NACAD: variants seen among roughly 807,000 people sequenced by gnomAD.
NACAD encodes the protein NAC alpha domain containing, also known as NAC-alpha domain-containing protein 1.
A neutral mutation model predicts 98.9 loss-of-function variants in NACAD; 47 were observed. The observed-to-expected ratio is 0.48, with a 90% confidence interval of 0.38 to 0.61. The LOEUF is 0.61. Among genes scored for constraint, NACAD ranks in the 20% least tolerant of loss-of-function variants. NACAD has a pLI of 0.00. For synonymous variants in NACAD, 696 were observed against 767.2 expected (o/e 0.91, Z 1.53); for missense variants, 1,412 against 1,748.2 (o/e 0.81, Z 3.43).
chr7:45,085,641 G>C lies in NACAD; in HGVS notation c.539C>G (p.Pro180Arg). The change falls in exon 2 of 8, where the codon CCC (proline) becomes CGC (arginine). Residue 180 changes from proline to arginine, a missense_variant. Physicochemically the swap from Pro to Arg is moderately radical, Grantham distance 103 (BLOSUM62 -2). Around this residue, in one of 5 missense-constraint regions of NACAD, gnomAD observed 638 missense variants for 722.7 expected, o/e 0.88. Coordinates refer to ENST00000490531, the MANE Select transcript of NACAD (RefSeq NM_001146334.2). This position sits in a 1 kb window ranked among gnomAD's most constrained non-coding sequence, Gnocchi z 6.1. ...AAGCAGGGCATAGGTGGTCTTGGTG[G>C]GGGTGGAGGGAGGCGTGAAGAAGGA... Reference protein sequence around the residue: ...PDSFFTPPSTPTKTTYALLPA... With the variant: ...PDSFFTPPSTRTKTTYALLPA... 1.3e-6 allele frequency: 2 copies of C among 1,548,494 alleles called. No individual in the cohort carries two copies. Among genetic ancestry groups the C allele is most frequent in the African/African-American group, 1.4e-5 (1 of 73,152 alleles).
rs1161207539 is a variant in NACAD at position 45,084,598 on chromosome 7, A to G, written c.1582T>C (p.Ser528Pro). 1.3e-6 allele frequency: 2 copies of G among 1,551,440 alleles called. No homozygotes were observed. Among genetic ancestry groups the G allele is most frequent in the Non-Finnish European group, 1.7e-6 (2 of 1,146,972 alleles). Residue 528 changes from serine (S) to proline (P), a missense_variant, in exon 2 of 8, where the codon TCC (serine) becomes CCC (proline). Physicochemically the swap from Ser to Pro is moderately conservative, Grantham distance 74 (BLOSUM62 -1). Coordinates refer to ENST00000490531, the MANE Select transcript of NACAD (RefSeq NM_001146334.2). ...ESAAMAMPQP[S>P]QEGISEILGQ... ...AAGATCTCGCTGATGCCCTCCTGGG[A>G]GGGCTGAGGCATTGCCATGGCAGCA...
chr7:45,085,863 G>A lies in NACAD; in HGVS notation c.317C>T (p.Ser106Phe), dbSNP rs568615018. The A allele has an allele frequency of 2.4e-4, 375 of 1,546,848 alleles. 1 individual carries two copies. In the African/African-American group the frequency reaches 4.4e-3, roughly 18 times the overall value. Residue 106 changes from serine to phenylalanine, a missense_variant, in exon 2 of 8, where the codon TCC (serine) becomes TTC (phenylalanine). Coordinates refer to ENST00000490531, the MANE Select transcript of NACAD (RefSeq NM_001146334.2). The surrounding 1 kb of genome is among the most constrained non-coding windows in gnomAD (Gnocchi z 6.1). The stretch of plus-strand genomic sequence containing the variant: ...GGTGGCCGGGAGAGGAGCCTCCGTG[G>A]ACAGAGCCTGGGAAGACAGGCCCTC... ...LPEGLSSQAL[S>F]TEAPLPATLE...
At chr7:45,081,717 C>T (rs1048301357) in intron 3 of NACAD, 38 bp downstream of exon 3, 11 of 1,551,010 alleles carry the variant, frequency 7.1e-6, no homozygotes, top group East Asian at 4.9e-5. Context: ...GGGTGTGGGG[C>T]CCTCCCAGAG....
At position 45,083,294 on chromosome 7, in the gene NACAD, G is replaced by A; in HGVS notation, c.2886C>T (p.Ala962=). ...CACCTACTTCCTGCTGAGCCATGGTGGCCACAGGCTCTGTCCCTGGGGCAC... is the reference window on the plus strand; with the variant it reads ...CACCTACTTCCTGCTGAGCCATGGTAGCCACAGGCTCTGTCCCTGGGGCAC... The part of the protein sequence containing the change: ...AGCAPGTEPV[A]TMAQQEVGEA... The change falls in exon 2 of 8, where the codon GCC becomes GCT. Residue 962 remains alanine, a synonymous_variant. Transcript: ENST00000490531. The A allele has an allele frequency of 2.6e-6, 4 of 1,551,178 alleles. No homozygotes were observed. Among genetic ancestry groups the A allele is most frequent in the Non-Finnish European group, 3.5e-6 (4 of 1,147,002 alleles).
intron 1 of NACAD, among the ~76,000 whole-genome samples, chr7:45,086,472 CT>C (rs1440645158): frequency 6.6e-6 from 1 of 152,170 alleles, no homozygotes; most frequent in Non-Finnish European, 1.5e-5. Context: ...TGTGGTTCAG[CT>C]GGGCTCGGTG....
chr7:45,082,671 G>A lies in NACAD; in HGVS notation c.3509C>T (p.Ala1170Val), dbSNP rs1416080277. The A allele has an allele frequency of 1.7e-5, 25 of 1,506,388 alleles. No individual in the cohort carries two copies. The highest frequency in any genetic ancestry group is 4.2e-5 in the African/African-American group (3 of 71,902). 93.3% of individuals were successfully genotyped at this position (1,506,388 alleles called of 1,614,324 possible). The change falls in exon 2 of 8, where the codon GCG becomes GTG. Residue 1170 changes from alanine (A) to valine (V), a missense_variant. By Grantham distance (64) the Ala-to-Val change is moderately conservative. Coordinates refer to ENST00000490531, the MANE Select transcript of NACAD (RefSeq NM_001146334.2). The surrounding 1 kb of genome is among the most constrained non-coding windows in gnomAD (Gnocchi z 4.5). ...GGTTGGTGCAGACGTGGGGGCAGGC[G>A]CGTCAGGGCAGCCTCTGTCCAGACT... ...VSSLDRGCPD[A>V]PAPTSAPTSQ...
In NACAD at chr7:45,085,325, G is replaced by A; in HGVS notation, c.855C>T (p.Ser285=). ...AGTGGCCCTCCTGGCCCCAGGAGGA[G>A]CTGCTGTCTGCAGAGAGGCTGGACT... is the stretch of plus-strand genomic sequence containing the variant. The part of the protein sequence containing the change: ...SSESSLSADS[S]SSWGQEGHFF... Residue 285 remains serine (S), a synonymous_variant, in exon 2 of 8, where the codon AGC becomes AGT. Transcript: ENST00000490531. The surrounding 1 kb of genome is among the most constrained non-coding windows in gnomAD (Gnocchi z 6.1). 2.6e-6 allele frequency: 4 copies of A among 1,551,060 alleles called. No individual in the cohort carries two copies. Among genetic ancestry groups the A allele is most frequent in the Non-Finnish European group, 3.5e-6 (4 of 1,146,892 alleles).
intron 4 of NACAD, 42 bp from the exon 5 acceptor site, chr7:45,081,305 C>A (rs147542715): frequency 0.011 from 16,647 of 1,544,850 alleles, 98 homozygotes; most frequent in Non-Finnish European, 0.013. Context: ...CTGGTGTTGA[C>A]CCACGTCGGG....
rs1293995464 is a variant in NACAD at position 45,083,082 on chromosome 7, G to T, written c.3098C>A (p.Pro1033Gln). 1 of 1,550,710 alleles carries T rather than the reference G, an allele frequency of 6.4e-7. No homozygotes were observed. The highest frequency in any genetic ancestry group is 1.4e-5 in the African/African-American group (1 of 73,074). The change falls in exon 2 of 8, where the codon CCG becomes CAG. Residue 1033 changes from proline to glutamine, a missense_variant. Around this residue, in one of 5 missense-constraint regions of NACAD, gnomAD observed 572 missense variants for 639.6 expected, o/e 0.89. Transcript: ENST00000490531. ...LGMEALSLPEPASGAGEEIAE... is the reference protein window; with the variant it reads ...LGMEALSLPEQASGAGEEIAE... ...TATTTCCTCCCCAGCACCAGAGGCC[G>T]GCTCAGGGAGACTGAGGGCCTCCAT...
chr7:45,087,603 A>G (rs1184263057), intron 1 of NACAD, among the ~76,000 whole-genome samples: 1 of 152,230 alleles, frequency 6.6e-6, no homozygotes, highest in African/African-American at 2.4e-5. Flanking sequence ...AAGCTGAAAG[A>G]AGGGGGACCC....
rs1302272452 is a variant in NACAD, at chr7:45,080,897, C to G, written c.4530G>C (p.Glu1510Asp). ...TCACCTCTTCCTCCTCCTCCTCTTC[C>G]TCTTCCTTGCACTCCAGCCTCACCC... ...RPRVRLECKE[E>D]EEEEEEEVDE... The change falls in exon 6 of 8, where the codon GAG (glutamate) becomes GAC (aspartate). Residue 1510 changes from glutamate to aspartate, a missense_variant. This residue lies in a region of NACAD where 88 missense variants were observed against 105.4 expected (regional missense o/e 0.84). Coordinates refer to ENST00000490531, the MANE Select transcript of NACAD (RefSeq NM_001146334.2). The G allele has an allele frequency of 6.4e-7, 1 of 1,557,836 alleles. No individual in the cohort carries two copies.
Position 45,082,569 on chromosome 7 carries a change from G to C in NACAD, c.3611C>G (p.Pro1204Arg). The part of the protein sequence containing the change: ...PHEVPSVLGT[P>R]LLQPPENLAK... ...AAGGTTTTCTGGGGGCTGCAGCAAG[G>C]GGGTGCCAAGGACACTGGGTACTTC... Residue 1204 changes from proline to arginine, a missense_variant, in exon 2 of 8, where the codon CCC (proline) becomes CGC (arginine). By Grantham distance (103) the Pro-to-Arg change is moderately radical. Around this residue, in one of 5 missense-constraint regions of NACAD, gnomAD observed 572 missense variants for 639.6 expected, o/e 0.89. Coordinates refer to ENST00000490531, the MANE Select transcript of NACAD (RefSeq NM_001146334.2). This position sits in a 1 kb window ranked among gnomAD's most constrained non-coding sequence, Gnocchi z 4.5. The C allele has an allele frequency of 1.3e-6, 2 of 1,546,446 alleles. No homozygotes were observed. Among genetic ancestry groups the C allele is most frequent in the South Asian group, 1.2e-5 (1 of 83,552 alleles).
chr7:45,081,638 T>C lies in NACAD; in HGVS notation c.4220A>G (p.Lys1407Arg), dbSNP rs576219276. The C allele has an allele frequency of 4.1e-5, 64 of 1,551,418 alleles. No individual in the cohort carries two copies. In the African/African-American group the frequency reaches 6.2e-4, roughly 15 times the overall value. Residue 1407 changes from lysine to arginine, a missense_variant, in exon 4 of 8, where the codon AAA (lysine) becomes AGA (arginine). Coordinates refer to ENST00000490531, the MANE Select transcript of NACAD (RefSeq NM_001146334.2). ...CTTCTCACTGCGACTCTGCTTGGCTTTGGCGATGGTCTCCTCACTGCCGCC... is the reference window on the plus strand; with the variant it reads ...CTTCTCACTGCGACTCTGCTTGGCTCTGGCGATGGTCTCCTCACTGCCGCC... Reference protein sequence around the residue: ...PAGGSEETIAKAKQSRSEKKA... With the variant: ...PAGGSEETIARAKQSRSEKKA...
Position 45,085,051 on chromosome 7 carries a change from C to A in NACAD, c.1129G>T (p.Ala377Ser). The A allele has an allele frequency of 6.4e-7, 1 of 1,550,984 alleles. No individual in the cohort carries two copies. Among genetic ancestry groups the A allele is most frequent in the Non-Finnish European group, 8.7e-7 (1 of 1,146,858 alleles). The change falls in exon 2 of 8, where the codon GCT (alanine) becomes TCT (serine). Residue 377 changes from alanine to serine, a missense_variant. Transcript: ENST00000490531. This position sits in a 1 kb window ranked among gnomAD's most constrained non-coding sequence, Gnocchi z 6.1. ...DLSITEGMDE[A>S]FAFRDDTSAA... ...GAGGTGTCGTCCCGGAAGGCAAAAG[C>A]CTCGTCCATGCCCTCCGTGATGGAC...
At position 45,083,082 on chromosome 7, in the gene NACAD, G is replaced by A. The variant is rs1293995464; in HGVS notation, c.3098C>T (p.Pro1033Leu). The A allele has an allele frequency of 6.4e-6, 10 of 1,550,710 alleles. No individual in the cohort carries two copies. The highest frequency in any genetic ancestry group is 2.4e-5 in the East Asian group (1 of 40,944). The change falls in exon 2 of 8, where the codon CCG becomes CTG. Residue 1033 changes from proline (P) to leucine (L), a missense_variant. Physicochemically the swap from Pro to Leu is moderately conservative, Grantham distance 98. Transcript: ENST00000490531. ...TATTTCCTCCCCAGCACCAGAGGCC[G>A]GCTCAGGGAGACTGAGGGCCTCCAT... is the stretch of plus-strand genomic sequence containing the variant. ...LGMEALSLPEPASGAGEEIAE... is the reference protein window; with the variant it reads ...LGMEALSLPELASGAGEEIAE...
In NACAD at chr7:45,085,426, C is replaced by T; in HGVS notation, c.754G>A (p.Gly252Ser). 1 of 1,548,140 alleles carries T rather than the reference C, an allele frequency of 6.5e-7. No homozygotes were observed. Among genetic ancestry groups the T allele is most frequent in the Non-Finnish European group, 8.7e-7 (1 of 1,145,660 alleles). ...ACCATGGACCCCTGCGGGGACAGGC[C>T]CCAGCCTGAGGGGAAGTCCAGCCCT... ...AEGLDFPSGWGLSPQGSMVDE... is the reference protein window; with the variant it reads ...AEGLDFPSGWSLSPQGSMVDE... Residue 252 changes from glycine to serine, a missense_variant, in exon 2 of 8, where the codon GGC becomes AGC. Transcript: ENST00000490531. This position sits in a 1 kb window ranked among gnomAD's most constrained non-coding sequence, Gnocchi z 6.1.
rs1784557869 is a variant in NACAD at position 45,088,641 on chromosome 7, T to C, written c.67+187A>G. 6.6e-6 allele frequency among the ~76,000 whole-genome samples: 1 copy of C among 151,556 alleles called. No homozygotes were observed. Among genetic ancestry groups the C allele is most frequent in the Admixed American group, 6.6e-5 (1 of 15,266 alleles). On this transcript the variant is annotated intron_variant, in intron 1 of 7. Transcript: ENST00000490531. The surrounding 1 kb of genome is among the most constrained non-coding windows in gnomAD (Gnocchi z 5.7). Reference sequence around the variant, plus strand: ...CGGCGGGCACTTCGTGCGCCCCACCTTCCCCGCAGTTCTGAGAGAGGCGGT... The same window carrying C: ...CGGCGGGCACTTCGTGCGCCCCACCCTCCCCGCAGTTCTGAGAGAGGCGGT...
chr7:45,082,490 A>C lies in NACAD; in HGVS notation c.3690T>G (p.Ser1230=), dbSNP rs1218603943. The C allele has an allele frequency of 6.5e-7, 1 of 1,549,622 alleles. No homozygotes were observed. Among genetic ancestry groups the C allele is most frequent in the Admixed American group, 2.0e-5 (1 of 50,984 alleles). The change falls in exon 2 of 8, where the codon TCT becomes TCG. Residue 1230 remains serine, a synonymous_variant. Coordinates refer to ENST00000490531, the MANE Select transcript of NACAD (RefSeq NM_001146334.2). This position sits in a 1 kb window ranked among gnomAD's most constrained non-coding sequence, Gnocchi z 4.5. ...PVDRPLGPDP[S]APGTLAGAAL... is the part of the protein sequence containing the mutation. ...CTGCCCCAGCAAGGGTACCAGGAGC[A>C]GAAGGGTCAGGGCCCAGGGGCCTGT... is the stretch of plus-strand genomic sequence containing the variant.
chr7:45,082,423 C>T lies in NACAD; in HGVS notation c.3757G>A (p.Asp1253Asn), dbSNP rs1784444817. ...TCTTCCACAGAGTCTTCCTGGGGGT[C>T]CTGGCACAGGCAGGGGGCTGGGGGC... ...LEPPAPCLCQ[D>N]PQEDSVEDEE... Residue 1253 changes from aspartate to asparagine, a missense_variant, in exon 2 of 8, where the codon GAC becomes AAC. Around this residue, in one of 5 missense-constraint regions of NACAD, gnomAD observed 572 missense variants for 639.6 expected, o/e 0.89. Transcript: ENST00000490531. This position sits in a 1 kb window ranked among gnomAD's most constrained non-coding sequence, Gnocchi z 4.5. 2 of 1,548,902 alleles carry T rather than the reference C, an allele frequency of 1.3e-6. No homozygotes were observed. Among genetic ancestry groups the T allele is most frequent in the Non-Finnish European group, 1.7e-6 (2 of 1,146,450 alleles).
Sources: gnomAD v4.1 joint callset for allele counts (sites outside exome capture counted in the v4.1 genomes callset) on GRCh38, gnomAD v4.1.1 for gene constraint, gnomAD v4.1.1 regional missense constraint, Gnocchi (gnomAD v3.1) non-coding constraint, MANE v1.5 for transcripts, NCBI Gene and HGNC (gene_info 2026-07-23, HGNC 2026-07-21) for gene names.